GPC6: variants seen among roughly 807,000 people sequenced by gnomAD.
The protein encoded by GPC6 is glypican 6, also known as glypican-6.
In GPC6, 14 loss-of-function variants were observed where a neutral mutation model predicts 55.2. The observed-to-expected ratio is 0.25, with a 90% CI of 0.17 to 0.40. GPC6 has a LOEUF of 0.40. Among genes scored for constraint, GPC6 ranks in the 10% least tolerant of loss-of-function variants. GPC6 has a pLI of 1.00. For synonymous variants in GPC6, 278 were observed against 259.6 expected (o/e 1.07, Z -0.68); for missense variants, 641 against 708.5 (o/e 0.90, Z 1.08).
intron 1 of GPC6, among the ~76,000 whole-genome samples, chr13:93,527,624 G>T (rs911574912): frequency 2.0e-5 from 3 of 151,982 alleles, no homozygotes; most frequent in Non-Finnish European, 4.4e-5. Flanking sequence ...TAATATTTAG[G>T]TACCTATACA....
At chr13:94,167,371 G>A (rs950087377) in intron 4 of GPC6, among the ~76,000 whole-genome samples, 2 of 152,056 alleles carry the variant, frequency 1.3e-5, no homozygotes, top group Admixed American at 1.3e-4. Context: ...TTTTATTTTA[G>A]CTAAATGATT....
intron 1 of GPC6, among the ~76,000 whole-genome samples, chr13:93,233,299 C>A (rs1256016201): frequency 6.6e-6 from 1 of 151,238 alleles, no homozygotes; most frequent in Non-Finnish European, 1.5e-5. Context: ...TTTTTAATAA[C>A]CGTGGATGAA....
chr13:93,323,777 G>C (rs918217303), intron 1 of GPC6, among the ~76,000 whole-genome samples: 2 of 152,166 alleles, frequency 1.3e-5, no homozygotes, highest in Non-Finnish European at 2.9e-5. Flanking sequence ...TATAAAGTAT[G>C]ATGAGGACAT....
chr13:93,523,827 G>A (rs777048182), intron 1 of GPC6, among the ~76,000 whole-genome samples: 1 of 151,834 alleles, frequency 6.6e-6, no homozygotes, highest in Non-Finnish European at 1.5e-5. Flanking sequence ...AATAGCTTTT[G>A]TTAAAATCTA....
At chr13:93,355,539 T>G (rs183244572) in intron 1 of GPC6, among the ~76,000 whole-genome samples, 1 of 152,096 alleles carries the variant, frequency 6.6e-6, no homozygotes, top group African/African-American at 2.4e-5. Context: ...TGAACTCCCA[T>G]GGAGAGATCC....
intron 3 of GPC6, among the ~76,000 whole-genome samples, chr13:93,984,551 C>T (rs545377022): frequency 6.6e-6 from 1 of 152,250 alleles, no homozygotes; most frequent in South Asian, 2.1e-4. Flanking sequence ...TCAAATGTAT[C>T]ATAGGACTTT....
intron 1 of GPC6, among the ~76,000 whole-genome samples, chr13:93,257,753 G>A (rs986296614): frequency 1.1e-4 from 16 of 152,144 alleles, no homozygotes; most frequent in African/African-American, 3.4e-4. Context: ...GATAAGCCAG[G>A]CAGATTCTAA....
chr13:93,667,803 T>G (rs1881206948), intron 2 of GPC6, among the ~76,000 whole-genome samples: 1 of 149,990 alleles, frequency 6.7e-6, no homozygotes. Flanking sequence ...ATCTAAAAAT[T>G]AATTCATAGC....
chr13:93,430,201 G>A (rs35048964), intron 1 of GPC6, among the ~76,000 whole-genome samples: 31,665 of 152,016 alleles, frequency 0.21, 3,489 homozygotes, highest in Middle Eastern at 0.28. Context: ...TTTTAGTCAT[G>A]TCATGTAAAT....
intron 4 of GPC6, among the ~76,000 whole-genome samples, chr13:94,255,724 T>G (rs28546357): frequency 3.3e-5 from 5 of 152,094 alleles, no homozygotes; most frequent in African/African-American, 1.2e-4. Flanking sequence ...GACAGAAGCC[T>G]CATCAGCCAG....
chr13:93,356,418 C>T (rs1184745998), intron 1 of GPC6, among the ~76,000 whole-genome samples: 4 of 152,124 alleles, frequency 2.6e-5, no homozygotes, highest in Admixed American at 6.5e-5. Flanking sequence ...TAAATGGGAG[C>T]CATGATCCAG....
intron 2 of GPC6, among the ~76,000 whole-genome samples, chr13:93,599,960 C>T (rs957912330): frequency 6.6e-6 from 1 of 152,046 alleles, no homozygotes; most frequent in Non-Finnish European, 1.5e-5. Flanking sequence ...GTGTTCTCCC[C>T]TCCAAAAAAA....
chr13:93,280,455 A>G (rs1877912246), intron 1 of GPC6, among the ~76,000 whole-genome samples: 1 of 152,250 alleles, frequency 6.6e-6, no homozygotes, highest in Non-Finnish European at 1.5e-5. Flanking sequence ...ATTGCATTAC[A>G]TGTCATTCAT....
intron 2 of GPC6, among the ~76,000 whole-genome samples, chr13:93,774,600 T>C (rs767529322): frequency 5.9e-5 from 9 of 152,174 alleles, no homozygotes; most frequent in Non-Finnish European, 1.3e-4. Flanking sequence ...TCTTTAATAA[T>C]ACCATGTTAT....
chr13:94,027,908 A>G lies in GPC6; in HGVS notation c.877+14A>G. 1.2e-6 allele frequency: 2 copies of G among 1,612,180 alleles called. No individual in the cohort carries two copies. Among genetic ancestry groups the G allele is most frequent in the Non-Finnish European group, 1.7e-6 (2 of 1,178,284 alleles). ...ATCTGTTTATAGGTAAGAAGTGTTT[A>G]AATGGATCCGAGAACAGAGACGGGA... On this transcript the variant is annotated intron_variant, in intron 4 of 8. Transcript: ENST00000377047.
At chr13:93,734,373 A>T (rs1460249946) in intron 2 of GPC6, among the ~76,000 whole-genome samples, 1 of 152,176 alleles carries the variant, frequency 6.6e-6, no homozygotes, top group East Asian at 1.9e-4. Context: ...AGCTGCAGCC[A>T]CAGTAGACAT....
At chr13:94,121,957 A>G (rs1886646375) in intron 4 of GPC6, among the ~76,000 whole-genome samples, 1 of 152,070 alleles carries the variant, frequency 6.6e-6, no homozygotes, top group South Asian at 2.1e-4. Flanking sequence ...TTTATCTACT[A>G]GGATTCAGCA....
chr13:94,168,110 G>T (rs1888428735), intron 4 of GPC6, among the ~76,000 whole-genome samples: 1 of 152,240 alleles, frequency 6.6e-6, no homozygotes, highest in African/African-American at 2.4e-5. Context: ...ATGTTCAGAA[G>T]ATTAAGTGAT....
At chr13:93,852,837 C>T (rs1888452578) in intron 3 of GPC6, among the ~76,000 whole-genome samples, 1 of 151,620 alleles carries the variant, frequency 6.6e-6, no homozygotes, top group African/African-American at 2.4e-5. Context: ...ATATTTCACC[C>T]TCTCTCTTAT....
Sources: allele counts gnomAD v4.1 joint callset (sites outside exome capture counted in the v4.1 genomes callset), GRCh38; gene constraint gnomAD v4.1.1; transcripts MANE v1.5; gene names NCBI Gene and HGNC (gene_info 2026-07-23, HGNC 2026-07-21).